The following RUNX1 variants were observed in gnomAD, a reference collection of about 807,000 sequenced individuals.
RUNX1 encodes RUNX family transcription factor 1.
A neutral mutation model predicts 42.8 loss-of-function variants in RUNX1; 19 were observed. The ratio of observed to expected loss-of-function variants is 0.44; its 90% confidence interval spans 0.31 to 0.65. The LOEUF (loss-of-function observed/expected upper bound fraction) is 0.65, where lower values mean the gene tolerates loss of function less well. Among genes scored for constraint, RUNX1 ranks in the 30% least tolerant of loss-of-function variants. RUNX1 has a pLI of 0.07. For synonymous variants in RUNX1, 271 were observed against 289.4 expected, an observed-to-expected ratio of 0.94 and a Z score of 0.64; for missense variants, 528 against 672.0, an observed-to-expected ratio of 0.79 and a Z score of 2.37.
Position 34,791,018 on chromosome 21 carries a change from T to C in RUNX1, c.*1117A>G. 4.3e-6 allele frequency: 1 copy of C among 233,630 alleles called. No individual in the cohort carries two copies. Among genetic ancestry groups the C allele is most frequent in the Non-Finnish European group, 8.5e-6 (1 of 118,030 alleles). 14.5% of individuals were successfully genotyped at this position (233,630 alleles called of 1,614,324 possible). A position where few individuals can be genotyped will look rare whatever the true frequency, so the allele number is the denominator to read the frequency against. On this transcript the variant is annotated 3_prime_UTR_variant, in exon 9 of 9. Coordinates refer to ENST00000675419, the MANE Select transcript of RUNX1 (RefSeq NM_001754.5). ...TCTGGAACTAGATTGACCTTCTCTGTTTTAAGGAGGAAGTTAGATATGAGA... is the reference window on the plus strand; with the variant it reads ...TCTGGAACTAGATTGACCTTCTCTGCTTTAAGGAGGAAGTTAGATATGAGA...
chr21:34,986,257 T>C (rs2058886937), intron 2 of RUNX1, among the ~76,000 whole-genome samples: 1 of 152,030 alleles, frequency 6.6e-6, no homozygotes, highest in African/African-American at 2.4e-5. Flanking sequence ...CAATGCTCTT[T>C]CCATCAAATC....
intron 6 of RUNX1, among the ~76,000 whole-genome samples, chr21:34,857,691 G>T (rs1300271575): frequency 6.6e-6 from 1 of 152,074 alleles, no homozygotes; most frequent in African/African-American, 2.4e-5. Flanking sequence ...CTCCCTCCCA[G>T]CCAGGCCCCT....
intron 6 of RUNX1, among the ~76,000 whole-genome samples, chr21:34,841,051 G>A (rs1252037932): frequency 6.6e-6 from 1 of 152,126 alleles, no homozygotes; most frequent in Non-Finnish European, 1.5e-5. Context: ...GCCACTCTGC[G>A]GAACACTCAT....
At chr21:34,865,574 G>T (rs936436340) in intron 5 of RUNX1, among the ~76,000 whole-genome samples, 36 of 152,188 alleles carry the variant, frequency 2.4e-4, no homozygotes, top group African/African-American at 8.0e-4. Flanking sequence ...CAAGGGGTGA[G>T]TCTTCCTGGA....
intron 2 of RUNX1, among the ~76,000 whole-genome samples, chr21:34,903,221 T>C (rs1444258113): frequency 2.0e-5 from 3 of 152,178 alleles, no homozygotes; most frequent in Non-Finnish European, 4.4e-5. Flanking sequence ...TCACTAAAAA[T>C]ATTACAATTC....
chr21:34,811,430 C>A (rs886345798), intron 7 of RUNX1, among the ~76,000 whole-genome samples: 1 of 152,204 alleles, frequency 6.6e-6, no homozygotes, highest in Non-Finnish European at 1.5e-5. Flanking sequence ...TTCTAGAATT[C>A]CTTGCAGCAA....
chr21:34,892,618 A>G (rs763971507), intron 3 of RUNX1, among the ~76,000 whole-genome samples: 30 of 152,342 alleles, frequency 2.0e-4, no homozygotes, highest in Non-Finnish European at 3.7e-4. Context: ...CTGGGCTGTG[A>G]GGGAAGCCAA....
At chr21:34,916,062 C>G (rs771028527) in intron 2 of RUNX1, among the ~76,000 whole-genome samples, 3 of 152,060 alleles carry the variant, frequency 2.0e-5, no homozygotes, top group Admixed American at 6.6e-5. Context: ...GGGGAAGAGT[C>G]ATGAATTATT....
intron 7 of RUNX1, among the ~76,000 whole-genome samples, chr21:34,802,092 A>C (rs1371424115): frequency 6.6e-6 from 1 of 152,216 alleles, no homozygotes; most frequent in Non-Finnish European, 1.5e-5. Flanking sequence ...TCAGGGAAGA[A>C]TCAGATGTGG....
chr21:34,991,093 G>A (rs1050676291), intron 2 of RUNX1, among the ~76,000 whole-genome samples: 1 of 152,134 alleles, frequency 6.6e-6, no homozygotes, highest in African/African-American at 2.4e-5. Flanking sequence ...CTAAAGCCAG[G>A]AGCAATGCTG....
At chr21:34,868,065 C>T (rs989054272) in intron 5 of RUNX1, among the ~76,000 whole-genome samples, 11 of 152,202 alleles carry the variant, frequency 7.2e-5, no homozygotes, top group African/African-American at 7.2e-5. Flanking sequence ...GCTTGGGGGG[C>T]GTCAGCTCCT....
In RUNX1 at chr21:34,907,109, T is replaced by C. The variant is rs1315832545; in HGVS notation, c.59-14146A>G. On this transcript the variant is annotated intron_variant, in intron 2 of 8. Transcript: ENST00000675419. The surrounding 1 kb of genome is among the most constrained non-coding windows in gnomAD (Gnocchi z 5.3). ...TTCAAAGTCAGCCAGGAGGGTCATG[T>C]GCCCCCTTCAGTGAAAACCTTGACT... Among the ~76,000 whole-genome samples, 28 of 152,208 alleles carry C rather than the reference T, an allele frequency of 1.8e-4. No individual in the cohort carries two copies. Among genetic ancestry groups the C allele is most frequent in the Admixed American group, 1.8e-3 (28 of 15,278 alleles).
chr21:34,842,492 C>A (rs77136192), intron 6 of RUNX1, among the ~76,000 whole-genome samples: 93 of 52,182 alleles, frequency 1.8e-3, no homozygotes, highest in East Asian at 4.9e-3. Context: ...GAGACCTCTC[C>A]AAAAAAAAAA....
intron 7 of RUNX1, among the ~76,000 whole-genome samples, chr21:34,815,805 A>T (rs1409270292): frequency 6.6e-6 from 1 of 152,162 alleles, no homozygotes; most frequent in Non-Finnish European, 1.5e-5. Context: ...GCAGCCTCCG[A>T]TGAGGCTGAG....
chr21:34,834,834 T>C (rs1439282438), intron 6 of RUNX1, among the ~76,000 whole-genome samples: 6 of 152,092 alleles, frequency 3.9e-5, no homozygotes, highest in Admixed American at 2.6e-4. Context: ...TCCCCCAGTC[T>C]GGGCCTTGGC....
intron 6 of RUNX1, among the ~76,000 whole-genome samples, chr21:34,850,189 C>T (rs930112612): frequency 1.3e-5 from 2 of 152,150 alleles, no homozygotes; most frequent in Non-Finnish European, 2.9e-5. Context: ...GACTGCCAAC[C>T]GCAATCCATC....
At chr21:34,840,561 A>G (rs1422232902) in intron 6 of RUNX1, among the ~76,000 whole-genome samples, 1 of 152,150 alleles carries the variant, frequency 6.6e-6, no homozygotes, top group Non-Finnish European at 1.5e-5. Context: ...TTCTTGAACA[A>G]CTTCTAATGA....
intron 7 of RUNX1, among the ~76,000 whole-genome samples, chr21:34,805,326 T>C (rs1191209744): frequency 1.3e-5 from 2 of 152,140 alleles, no homozygotes; most frequent in African/African-American, 4.8e-5. Flanking sequence ...TGGCTATGAA[T>C]TTTCCAAAAT....
chr21:34,880,397 T>A (rs2057879193), intron 5 of RUNX1, among the ~76,000 whole-genome samples, 160 bp downstream of exon 5: 1 of 152,210 alleles, frequency 6.6e-6, no homozygotes, highest in African/African-American at 2.4e-5. Flanking sequence ...GCTAAAAATA[T>A]TAAACTTCAA....
Sources: allele counts gnomAD v4.1 joint callset (sites outside exome capture counted in the v4.1 genomes callset), GRCh38; gene constraint gnomAD v4.1.1; non-coding constraint Gnocchi (gnomAD v3.1); transcripts MANE v1.5; gene names NCBI Gene and HGNC (gene_info 2026-07-23, HGNC 2026-07-21).